CDKAL1: variants seen among roughly 807,000 people sequenced by gnomAD.
CDKAL1 encodes CDKAL1 threonylcarbamoyladenosine tRNA methylthiotransferase.
Under a neutral mutation model 68.2 loss-of-function variants are expected in CDKAL1, and 32 were observed. The ratio of observed to expected loss-of-function variants is 0.47; its 90% CI spans 0.35 to 0.63. CDKAL1 has a LOEUF of 0.63. Ranked by LOEUF, CDKAL1 falls within the 30% of genes least tolerant of loss-of-function variation. The pLI is 0.00. For synonymous variants in CDKAL1, 234 were observed against 244.3 expected (o/e 0.96, Z 0.39); for missense variants, 606 against 696.7 (o/e 0.87, Z 1.47).
At chr6:20,657,870 A>T (rs567512156) in intron 5 of CDKAL1, among the ~76,000 whole-genome samples, 24 of 152,146 alleles carry the variant, frequency 1.6e-4, no homozygotes, top group Non-Finnish European at 3.1e-4. Flanking sequence ...ATTTAGAAAG[A>T]ATCGCTAGGA....
chr6:21,014,106 A>G (rs556891347), intron 11 of CDKAL1, among the ~76,000 whole-genome samples: 37 of 152,306 alleles, frequency 2.4e-4, no homozygotes, highest in Admixed American at 9.8e-4. Context: ...CCTACCTTGA[A>G]GGTTACTGTC....
chr6:21,208,694 G>A (rs563023346), intron 15 of CDKAL1, among the ~76,000 whole-genome samples: 3 of 152,068 alleles, frequency 2.0e-5, no homozygotes, highest in South Asian at 2.1e-4. Context: ...ACCATAGTAC[G>A]TTTAATATTT....
chr6:20,774,289 G>A (rs1775075833), intron 7 of CDKAL1, among the ~76,000 whole-genome samples: 3 of 152,210 alleles, frequency 2.0e-5, no homozygotes, highest in South Asian at 2.1e-4. Flanking sequence ...TCTAAAGCTC[G>A]TATGTGCAAC....
chr6:20,573,884 T>C (rs1388449147), intron 4 of CDKAL1, among the ~76,000 whole-genome samples: 2 of 152,164 alleles, frequency 1.3e-5, no homozygotes, highest in Admixed American at 1.3e-4. Flanking sequence ...GAGCAGAGTA[T>C]GCCACTTGGT....
At chr6:21,011,721 A>G (rs1194167228) in intron 11 of CDKAL1, among the ~76,000 whole-genome samples, 1 of 152,216 alleles carries the variant, frequency 6.6e-6, no homozygotes, top group Admixed American at 6.5e-5. Flanking sequence ...TGGATGAGAA[A>G]GAAATACTGA....
At chr6:20,974,978 C>CAAAAAAAAAAAA (rs11330322) in intron 10 of CDKAL1, among the ~76,000 whole-genome samples, 2 of 62,930 alleles carry the variant, frequency 3.2e-5, no homozygotes, top group African/African-American at 1.3e-4. Context: ...GACCCTATCT[C>CAAAAAAAAAAAA]AAAAAAAAAA....
intron 10 of CDKAL1, among the ~76,000 whole-genome samples, chr6:20,967,703 C>T (rs189470956): frequency 3.2e-4 from 48 of 152,354 alleles, no homozygotes; most frequent in Non-Finnish European, 6.2e-4. Flanking sequence ...GTTACATTTA[C>T]TGCTGCTCTT....
chr6:21,093,581 G>T (rs1308165565), intron 12 of CDKAL1, among the ~76,000 whole-genome samples: 1 of 152,034 alleles, frequency 6.6e-6, no homozygotes, highest in Admixed American at 6.5e-5. Flanking sequence ...AGGATGAAAG[G>T]ATAGAATGCT....
intron 12 of CDKAL1, 127 bp from the exon 13 acceptor site, chr6:21,108,274 A>G: frequency 1.7e-6 from 1 of 586,116 alleles, no homozygotes; most frequent in East Asian, 3.4e-5. Context: ...CAAAGGAAGA[A>G]TCTCTTAAAA....
At chr6:20,991,687 A>G (rs1303381268) in intron 10 of CDKAL1, among the ~76,000 whole-genome samples, 2 of 142,604 alleles carry the variant, frequency 1.4e-5, no homozygotes, top group African/African-American at 5.3e-5. Flanking sequence ...AGCCTGGGTG[A>G]CAGAGTGATA....
chr6:20,563,468 C>A (rs1405245699), intron 4 of CDKAL1, among the ~76,000 whole-genome samples: 5 of 152,136 alleles, frequency 3.3e-5, no homozygotes, highest in African/African-American at 1.2e-4. Context: ...GGTGTAAAAT[C>A]ATGTGCAAGC....
intron 11 of CDKAL1, among the ~76,000 whole-genome samples, chr6:21,015,934 C>T (rs1176468671): frequency 1.4e-5 from 2 of 144,486 alleles, no homozygotes; most frequent in East Asian, 2.0e-4. Context: ...GGTGACAGAG[C>T]GAGACTCTGA....
At chr6:21,025,064 C>A (rs1311482593) in intron 11 of CDKAL1, among the ~76,000 whole-genome samples, 1 of 152,074 alleles carries the variant, frequency 6.6e-6, no homozygotes, top group Non-Finnish European at 1.5e-5. Flanking sequence ...TATTTTGTTG[C>A]CCAATAAGGA....
chr6:21,172,886 A>G (rs918338444), intron 13 of CDKAL1, among the ~76,000 whole-genome samples: 16 of 152,154 alleles, frequency 1.1e-4, no homozygotes, highest in Admixed American at 9.2e-4. Flanking sequence ...CAATTTTTAT[A>G]ATTATTTTCT....
At chr6:20,900,322 TGA>T (rs1761900368) in intron 9 of CDKAL1, among the ~76,000 whole-genome samples, 1 of 152,230 alleles carries the variant, frequency 6.6e-6, no homozygotes, top group Non-Finnish European at 1.5e-5. Context: ...AACCATTTTT[TGA>T]TGGCTCCTAC....
intron 5 of CDKAL1, among the ~76,000 whole-genome samples, chr6:20,685,205 G>GT (rs1253473868): frequency 1.3e-5 from 2 of 152,086 alleles, no homozygotes; most frequent in Non-Finnish European, 2.9e-5. Flanking sequence ...GTTTAGATTT[G>GT]TTTTTTTAGC....
At chr6:20,699,107 ATTAGGATTTATGT>A (rs1562034968) in intron 5 of CDKAL1, among the ~76,000 whole-genome samples, 1 of 151,448 alleles carries the variant, frequency 6.6e-6, no homozygotes, top group Non-Finnish European at 1.5e-5. Flanking sequence ...GTTCTTTTGC[ATTAGGATTTATGT>A]TTTTCAAGTC....
intron 5 of CDKAL1, among the ~76,000 whole-genome samples, chr6:20,672,884 C>T (rs1769915305): frequency 6.6e-6 from 1 of 152,032 alleles, no homozygotes; most frequent in East Asian, 1.9e-4. Flanking sequence ...TCAAGTGATT[C>T]TCCTGCCTCA....
chr6:21,099,520 T>C lies in CDKAL1; in HGVS notation c.1237-8881T>C, dbSNP rs552111518. Reference sequence around the variant, plus strand: ...AGTATTTGGCCCACAGGTCATATTTTGCCAACCATTGATTTCGAGGGTGAA... The same window carrying C: ...AGTATTTGGCCCACAGGTCATATTTCGCCAACCATTGATTTCGAGGGTGAA... On this transcript the variant is annotated intron_variant, in intron 12 of 15. Transcript: ENST00000274695. Among the ~76,000 whole-genome samples the C allele has an allele frequency of 9.5e-4, 144 of 152,326 alleles. 1 individual carries two copies. Among genetic ancestry groups the C allele is most frequent in the African/African-American group, 3.3e-3 (138 of 41,584 alleles).
Sources: allele counts gnomAD v4.1 joint callset (sites outside exome capture counted in the v4.1 genomes callset), GRCh38; gene constraint gnomAD v4.1.1; transcripts MANE v1.5; gene names NCBI Gene and HGNC (gene_info 2026-07-23, HGNC 2026-07-21).